ABL1: variants seen among roughly 807,000 people sequenced by gnomAD.
ABL1 encodes ABL proto-oncogene 1, non-receptor tyrosine kinase.
In ABL1, 11 loss-of-function variants were observed where a neutral mutation model predicts 94.7. The ratio of observed to expected loss-of-function variants is 0.12; its 90% CI spans 0.07 to 0.19. ABL1 has a LOEUF of 0.19. Among genes scored for constraint, ABL1 ranks in the 10% least tolerant of loss-of-function variants. ABL1 has a pLI of 1.00. For synonymous variants in ABL1, 656 were observed against 622.4 expected (o/e 1.05, Z -0.80); for missense variants, 1,082 against 1,489.4 (o/e 0.73, Z 4.50).
intron 1 of ABL1, among the ~76,000 whole-genome samples, chr9:130,721,864 C>G (rs1831519562): frequency 6.7e-6 from 1 of 148,192 alleles, no homozygotes; most frequent in Non-Finnish European, 1.5e-5. Context: ...CTCTGTTGCC[C>G]AGACTGGAGT....
intron 4 of ABL1, among the ~76,000 whole-genome samples, chr9:130,870,873 T>C (rs1831240861): frequency 6.6e-6 from 1 of 152,160 alleles, no homozygotes; most frequent in Non-Finnish European, 1.5e-5. Context: ...GTAAACAGGA[T>C]TGGCCAAAGC....
intron 1 of ABL1, among the ~76,000 whole-genome samples, chr9:130,755,306 G>T (rs527841647): frequency 4.6e-5 from 7 of 152,284 alleles, no homozygotes; most frequent in Admixed American, 3.3e-4. Context: ...AGAGGGGAGA[G>T]AGGTAAAAAT....
In ABL1 at chr9:130,880,038, G is replaced by T. The variant is rs761824530; in HGVS notation, c.1424-30G>T. On this transcript the variant is annotated intron_variant, in intron 8 of 10. Transcript: ENST00000318560. The surrounding 1 kb of genome is among the most constrained non-coding windows in gnomAD (Gnocchi z 4.4). ...CCCGTATTGCTAGCCAGATCTCATG[G>T]ATGATCTGACTTGGGTTTCATCTGT... is the stretch of plus-strand genomic sequence containing the variant. 6.2e-7 allele frequency: 1 copy of T among 1,600,078 alleles called. No individual in the cohort carries two copies. The highest frequency in any genetic ancestry group is 2.2e-5 in the East Asian group (1 of 44,828).
chr9:130,803,772 C>A (rs903227166), intron 1 of ABL1, among the ~76,000 whole-genome samples: 3 of 152,078 alleles, frequency 2.0e-5, no homozygotes, highest in African/African-American at 7.2e-5. Flanking sequence ...GGACCTTTTT[C>A]CTAATTAGAA....
chr9:130,831,299 C>T (rs1202271900), upstream of ABL1, among the ~76,000 whole-genome samples: 1 of 152,170 alleles, frequency 6.6e-6, no homozygotes, highest in African/African-American at 2.4e-5. Context: ...CACTCACACC[C>T]AGTCTTGCTG....
intron 7 of ABL1, 88 bp downstream of exon 7, chr9:130,875,140 TCC>T: frequency 7.1e-7 from 1 of 1,406,754 alleles, no homozygotes; most frequent in South Asian, 1.4e-5. Context: ...TTTCTTTTCT[TCC>T]TTTCTTTTTG....
At chr9:130,838,769 T>C (rs1406142262) in intron 1 of ABL1, among the ~76,000 whole-genome samples, 1 of 152,250 alleles carries the variant, frequency 6.6e-6, no homozygotes, top group African/African-American at 2.4e-5. Flanking sequence ...AGGGTTTTCT[T>C]TTCATTTTAT....
At chr9:130,795,223 A>G (rs1407983279) in intron 1 of ABL1, among the ~76,000 whole-genome samples, 2 of 152,190 alleles carry the variant, frequency 1.3e-5, no homozygotes, top group African/African-American at 4.8e-5. Flanking sequence ...CCTTCAAAAA[A>G]CAGGAAGGAT....
Position 130,724,713 on chromosome 9 carries a change from C to G in ABL1, c.136+10258C>G, listed in dbSNP as rs1588211133. 2.3e-5 allele frequency: 9 copies of G among 392,446 alleles called. No homozygotes were observed. In the East Asian group the frequency reaches 3.8e-4, roughly 17 times the overall value. The allele number at this position is 392,446 out of a possible 1,614,324, so 24.3% of individuals were successfully genotyped here. A position where few individuals can be genotyped will look rare whatever the true frequency, so the allele number is the denominator to read the frequency against. On this transcript the variant is annotated intron_variant, in intron 1 of 10. Coordinates refer to the ABL1 transcript ENST00000372348. ...AGCTACCTGGGATTGTGCCACTGCA[C>G]TCCAGCCTGGGCGACAGAGCGAAAC... is the stretch of plus-strand genomic sequence containing the variant.
chr9:130,739,178 A>G (rs1277824464), intron 1 of ABL1, among the ~76,000 whole-genome samples: 2 of 152,106 alleles, frequency 1.3e-5, no homozygotes, highest in African/African-American at 2.4e-5. Flanking sequence ...ACAGGCGTGA[A>G]ACACTGTGCC....
chr9:130,782,223 C>CA (rs1258046445), intron 1 of ABL1, among the ~76,000 whole-genome samples: 1 of 151,904 alleles, frequency 6.6e-6, no homozygotes, highest in Admixed American at 6.6e-5. Flanking sequence ...CATGCCTGGC[C>CA]AATTTTTTTG....
intron 3 of ABL1, among the ~76,000 whole-genome samples, chr9:130,858,572 G>A (rs1831012416): frequency 6.6e-6 from 1 of 152,108 alleles, no homozygotes; most frequent in Non-Finnish European, 1.5e-5. Context: ...TCGAGGGGGT[G>A]TATTGGGTGG....
intron 1 of ABL1, among the ~76,000 whole-genome samples, chr9:130,732,482 A>G (rs1426295880): frequency 2.6e-5 from 4 of 151,964 alleles, no homozygotes; most frequent in African/African-American, 7.3e-5. Context: ...CATCTTTTTT[A>G]TATCAGTGGC....
intron 1 of ABL1, among the ~76,000 whole-genome samples, chr9:130,848,517 CAAA>C (rs34492912): frequency 1.6e-4 from 14 of 86,516 alleles, no homozygotes; most frequent in East Asian, 4.1e-4. Flanking sequence ...GACTCCAACT[CAAA>C]AAAAAAAAAA....
chr9:130,765,059 A>G (rs34914614), intron 1 of ABL1, among the ~76,000 whole-genome samples: 2,351 of 152,144 alleles, frequency 0.015, 62 homozygotes, highest in African/African-American at 0.054. Flanking sequence ...AGAGTTGATC[A>G]TTTTCAGAAT....
intron 1 of ABL1, among the ~76,000 whole-genome samples, chr9:130,811,483 A>G (rs1830206666): frequency 2.0e-5 from 3 of 152,232 alleles, no homozygotes; most frequent in African/African-American, 4.8e-5. Flanking sequence ...CAATAGCAGC[A>G]CAAAGACTGG....
At chr9:130,805,499 C>T (rs866283070) in intron 1 of ABL1, among the ~76,000 whole-genome samples, 10 of 152,036 alleles carry the variant, frequency 6.6e-5, no homozygotes, top group Admixed American at 5.9e-4. Flanking sequence ...GATATTTCTT[C>T]GGTATATTCA....
intron 1 of ABL1, among the ~76,000 whole-genome samples, chr9:130,723,677 C>G (rs1043195088): frequency 6.6e-6 from 1 of 152,128 alleles, no homozygotes; most frequent in African/African-American, 2.4e-5. Context: ...GTAACTTCTG[C>G]CCTTGTAACT....
chr9:130,764,172 C>A (rs1832152621), intron 1 of ABL1, among the ~76,000 whole-genome samples: 1 of 152,096 alleles, frequency 6.6e-6, no homozygotes, highest in South Asian at 2.1e-4. Context: ...TCAGAGAGGC[C>A]AGGACACACA....
Sources: allele counts gnomAD v4.1 joint callset (sites outside exome capture counted in the v4.1 genomes callset), GRCh38; gene constraint gnomAD v4.1.1; non-coding constraint Gnocchi (gnomAD v3.1); transcripts MANE v1.5; gene names NCBI Gene and HGNC (gene_info 2026-07-23, HGNC 2026-07-21).